Variants in CRIM1 observed in about 807,000 individuals in gnomAD.
CRIM1 encodes cysteine-rich motor neuron 1 protein.
A neutral mutation model predicts 116.4 loss-of-function variants in CRIM1; 32 were observed. The ratio of observed to expected loss-of-function variants is 0.27; its 90% CI spans 0.21 to 0.37. The LOEUF (loss-of-function observed/expected upper bound fraction) is 0.37, where lower values mean the gene tolerates loss of function less well. CRIM1 is among the 10% of genes least tolerant of loss of function. The pLI is 1.00. For missense variants in CRIM1, 1,331 were observed against 1,354.8 expected (o/e 0.98, Z 0.28); for synonymous variants, 590 against 509.2 (o/e 1.16, Z -2.13).
In CRIM1 at chr2:36,548,745, A is replaced by C. The variant is rs373580208; in HGVS notation, c.*44A>C. On this transcript the variant is annotated 3_prime_UTR_variant, in exon 17 of 17. Coordinates refer to ENST00000280527, the MANE Select transcript of CRIM1 (RefSeq NM_016441.3). The stretch of plus-strand genomic sequence containing the variant: ...AGGTTTCAAAAGACGGAAGACGACT[A>C]AATCTGCTCTAAAAAGTAAACTAGA... 91 of 1,486,476 alleles carry C rather than the reference A, an allele frequency of 6.1e-5. No individual in the cohort carries two copies. The highest frequency in any genetic ancestry group is 5.4e-4 in the Middle Eastern group (3 of 5,602). 92.1% of individuals were successfully genotyped at this position (1,486,476 alleles called of 1,614,324 possible). A position where few individuals can be genotyped will look rare whatever the true frequency, so the allele number is the denominator to read the frequency against.
chr2:36,459,741 T>TG (rs1026530880), intron 4 of CRIM1, among the ~76,000 whole-genome samples: 2 of 152,078 alleles, frequency 1.3e-5, no homozygotes, highest in Non-Finnish European at 2.9e-5. Context: ...GAGCTGTGGC[T>TG]GGAGTGATAA....
At chr2:36,359,636 G>A (rs1339048606) in intron 1 of CRIM1, among the ~76,000 whole-genome samples, 2 of 152,204 alleles carry the variant, frequency 1.3e-5, no homozygotes, top group Admixed American at 6.5e-5. Context: ...ATTAAATAAT[G>A]TGATGAGTTG....
chr2:36,371,534 G>A lies in CRIM1; in HGVS notation c.331+14911G>A, dbSNP rs564344601. On this transcript the variant is annotated intron_variant, in intron 1 of 16. Coordinates refer to ENST00000280527, the MANE Select transcript of CRIM1 (RefSeq NM_016441.3). ...GAAACTGAAACGAATGGCACTCCCC[G>A]TTAAGAGAATCCCAGTGAGAAGCCA... Among the ~76,000 whole-genome samples, 55 of 152,276 alleles carry A rather than the reference G, an allele frequency of 3.6e-4. 1 individual carries two copies. Among genetic ancestry groups the A allele is most frequent in the Admixed American group, 2.1e-3 (32 of 15,300 alleles).
In CRIM1 at chr2:36,450,811, A is replaced by AT. The variant is rs1224752764; in HGVS notation, c.869+8078dup. Among the ~76,000 whole-genome samples the AT allele has an allele frequency of 4.6e-5, 7 of 152,386 alleles. No individual in the cohort carries two copies. In the East Asian group the frequency reaches 1.3e-3, roughly 29 times the overall value. Reference sequence around the variant, plus strand: ...TTGCACCAAGCTGCTTCAATTTGAAATTGTGCTCTCAAGAAAATTCATTTT... The same window carrying AT: ...TTGCACCAAGCTGCTTCAATTTGAAATTTGTGCTCTCAAGAAAATTCATTTT... On this transcript the variant is annotated intron_variant, in intron 4 of 16. Coordinates refer to ENST00000280527, the MANE Select transcript of CRIM1 (RefSeq NM_016441.3).
chr2:36,541,431 C>G (rs1666935975), intron 14 of CRIM1, among the ~76,000 whole-genome samples: 1 of 152,106 alleles, frequency 6.6e-6, no homozygotes, highest in South Asian at 2.1e-4. Context: ...TGTCTCTTTA[C>G]AGAAGAAACT....
At chr2:36,534,748 A>G (rs901873247) in intron 13 of CRIM1, among the ~76,000 whole-genome samples, 11 of 151,792 alleles carry the variant, frequency 7.2e-5, no homozygotes, top group Admixed American at 5.9e-4. Flanking sequence ...AAGGAAGGAA[A>G]GAAAAAAAAA....
intron 1 of CRIM1, among the ~76,000 whole-genome samples, chr2:36,381,654 G>A (rs1311593392): frequency 2.0e-5 from 3 of 152,228 alleles, no homozygotes; most frequent in Admixed American, 6.5e-5. Flanking sequence ...AGGTGCAGTG[G>A]CTCGTGCCTG....
chr2:36,536,084 C>A (rs72789231), intron 13 of CRIM1, among the ~76,000 whole-genome samples: 2,516 of 152,278 alleles, frequency 0.017, 35 homozygotes, highest in South Asian at 0.059. Flanking sequence ...TGTCTGTGAC[C>A]TTCCTCTGGA....
intron 13 of CRIM1, 102 bp from the exon 14 acceptor site, chr2:36,537,250 C>T: frequency 1.8e-6 from 2 of 1,097,834 alleles, no homozygotes; most frequent in South Asian, 2.9e-5. Flanking sequence ...AGTCCTAAAG[C>T]ATACTGTGAT....
At chr2:36,419,858 C>T (rs1673917291) in intron 2 of CRIM1, among the ~76,000 whole-genome samples, 1 of 152,212 alleles carries the variant, frequency 6.6e-6, no homozygotes, top group South Asian at 2.1e-4. Context: ...TCATCATATT[C>T]AGTGGTGACA....
rs567863888 is a variant in CRIM1 at position 36,378,241 on chromosome 2, A to G, written c.332-18373A>G. 1.4e-3 allele frequency: 634 copies of G among 464,038 alleles called. 8 individuals are homozygous for G. The highest frequency in any genetic ancestry group is 7.3e-3 in the South Asian group (464 of 63,580). The allele number at this position is 464,038 out of a possible 1,614,324, so 28.7% of individuals were successfully genotyped here. ...TGTTCAGTAAATGTATTTTAAATCAATGAGTAATTGATGGGATATTTTTCT... is the reference window on the plus strand; with the variant it reads ...TGTTCAGTAAATGTATTTTAAATCAGTGAGTAATTGATGGGATATTTTTCT... On this transcript the variant is annotated intron_variant, in intron 1 of 16. Transcript: ENST00000280527.
intron 2 of CRIM1, among the ~76,000 whole-genome samples, chr2:36,413,337 G>A (rs1171085547): frequency 6.6e-6 from 1 of 152,152 alleles, no homozygotes; most frequent in Non-Finnish European, 1.5e-5. Context: ...TAGTCTCATA[G>A]CAGAGGAAAT....
At position 36,356,691 on chromosome 2, in the gene CRIM1, A is replaced by G; in HGVS notation, c.331+68A>G. 6.7e-7 allele frequency: 1 copy of G among 1,484,804 alleles called. No homozygotes were observed. Among genetic ancestry groups the G allele is most frequent in the Non-Finnish European group, 9.0e-7 (1 of 1,105,072 alleles). 92.0% of individuals were successfully genotyped at this position (1,484,804 alleles called of 1,614,324 possible). On this transcript the variant is annotated intron_variant, in intron 1 of 16. Coordinates refer to ENST00000280527, the MANE Select transcript of CRIM1 (RefSeq NM_016441.3). This position sits in a 1 kb window ranked among gnomAD's most constrained non-coding sequence, Gnocchi z 4.3. Reference sequence around the variant, plus strand: ...CGCCCCCTCGGCGCTGGTTGTGCCGAACAAAGTTTGGGCGAGACTTTCTGG... The same window carrying G: ...CGCCCCCTCGGCGCTGGTTGTGCCGGACAAAGTTTGGGCGAGACTTTCTGG...
At chr2:36,537,624 C>G in intron 14 of CRIM1, 78 bp downstream of exon 14, 2 of 1,417,432 alleles carry the variant, frequency 1.4e-6, no homozygotes, top group African/African-American at 1.4e-5. Context: ...CTCGACCTGC[C>G]CCTTCTTTCA....
intron 4 of CRIM1, among the ~76,000 whole-genome samples, chr2:36,449,146 G>T (rs1361786122): frequency 6.6e-6 from 1 of 151,510 alleles, no homozygotes; most frequent in African/African-American, 2.4e-5. Flanking sequence ...AATAGAATAT[G>T]TTGGACACAT....
At chr2:36,400,314 A>G (rs983736173) in intron 2 of CRIM1, among the ~76,000 whole-genome samples, 4 of 151,806 alleles carry the variant, frequency 2.6e-5, no homozygotes, top group Non-Finnish European at 4.4e-5. Context: ...AGAAATTACT[A>G]TGGATGATGT....
chr2:36,363,786 A>G (rs1417059153), intron 1 of CRIM1, among the ~76,000 whole-genome samples: 1 of 152,134 alleles, frequency 6.6e-6, no homozygotes, highest in Admixed American at 6.5e-5. Flanking sequence ...CTAGCTCCTG[A>G]GTGTGCACAC....
At chr2:36,427,904 A>G (rs1264949257) in intron 2 of CRIM1, among the ~76,000 whole-genome samples, 1 of 152,180 alleles carries the variant, frequency 6.6e-6, no homozygotes, top group East Asian at 1.9e-4. Context: ...TGGGTAGCCT[A>G]TCAGCACCTG....
chr2:36,427,609 G>A (rs1674557607), intron 2 of CRIM1, among the ~76,000 whole-genome samples: 1 of 152,224 alleles, frequency 6.6e-6, no homozygotes, highest in South Asian at 2.1e-4. Flanking sequence ...TGGCTCTGGT[G>A]GAAGAGCTTC....
Sources: allele counts gnomAD v4.1 joint callset (sites outside exome capture counted in the v4.1 genomes callset), GRCh38; gene constraint gnomAD v4.1.1; non-coding constraint Gnocchi (gnomAD v3.1); transcripts MANE v1.5; gene names NCBI Gene and HGNC (gene_info 2026-07-23, HGNC 2026-07-21).